The following FRMPD1 variants were observed in gnomAD, a reference collection of about 807,000 sequenced individuals.
The protein encoded by FRMPD1 is FERM and PDZ domain containing 1, also known as FERM and PDZ domain-containing protein 1.
Under a neutral mutation model 117.8 loss-of-function variants are expected in FRMPD1, and 76 were observed. That is an observed-to-expected ratio of 0.65 (90% CI 0.54 to 0.78). FRMPD1 has a LOEUF of 0.78. FRMPD1 is among the 30% of genes least tolerant of loss of function. The pLI is 0.00. For synonymous variants in FRMPD1, 783 were observed against 770.4 expected (o/e 1.02, Z -0.27); for missense variants, 1,786 against 1,964.5 (o/e 0.91, Z 1.72).
chr9:37,721,500 T>C (rs540675271), intron 6 of FRMPD1, among the ~76,000 whole-genome samples: 4 of 152,146 alleles, frequency 2.6e-5, no homozygotes, highest in African/African-American at 9.6e-5. Flanking sequence ...TGAGCACAAA[T>C]AGAGAAAAAA....
intron 1 of FRMPD1, among the ~76,000 whole-genome samples, chr9:37,683,820 T>A: frequency 2.2e-5 from 3 of 137,428 alleles, no homozygotes; most frequent in South Asian, 2.3e-4. Context: ...CGACAGGTAA[T>A]ACAATTCTGC....
chr9:37,676,095 G>A (rs1357539243), intron 1 of FRMPD1, among the ~76,000 whole-genome samples: 1 of 152,194 alleles, frequency 6.6e-6, no homozygotes, highest in Non-Finnish European at 1.5e-5. Context: ...GCCTGTCTGC[G>A]CTCCGCATCA....
chr9:37,603,597 T>C, the FRMPD1 span, among the ~76,000 whole-genome samples: 5,888 of 152,198 alleles, frequency 0.039, 374 homozygotes, highest in African/African-American at 0.13. Context: ...TTATACTTAA[T>C]AGAATGATCA....
At chr9:37,628,751 T>G in the FRMPD1 span, among the ~76,000 whole-genome samples, 1 of 152,176 alleles carries the variant, frequency 6.6e-6, no homozygotes, top group African/African-American at 2.4e-5. Flanking sequence ...GACCAAAATC[T>G]TAGTGTGTGA....
At chr9:37,725,819 C>CGAGCT (rs1166318747) in intron 7 of FRMPD1, among the ~76,000 whole-genome samples, 10 of 152,220 alleles carry the variant, frequency 6.6e-5, no homozygotes, top group African/African-American at 2.4e-4. Context: ...TCAGCTAGCT[C>CGAGCT]ATAACTGGCT....
chr9:37,630,822 C>A, the FRMPD1 span, among the ~76,000 whole-genome samples: 2 of 152,124 alleles, frequency 1.3e-5, no homozygotes, highest in African/African-American at 2.4e-5. Context: ...TGTGGAGCTC[C>A]CATGATTTTG....
the FRMPD1 span, among the ~76,000 whole-genome samples, chr9:37,626,874 C>G: frequency 6.6e-6 from 1 of 152,124 alleles, no homozygotes; most frequent in South Asian, 2.1e-4. Context: ...CATGAAATAT[C>G]TTTTTTAGCA....
At chr9:37,620,883 C>G in the FRMPD1 span, among the ~76,000 whole-genome samples, 1 of 152,028 alleles carries the variant, frequency 6.6e-6, no homozygotes, top group Non-Finnish European at 1.5e-5. Flanking sequence ...AACTAATTCC[C>G]AAGAGTCAGC....
At chr9:37,610,848 C>T in the FRMPD1 span, among the ~76,000 whole-genome samples, 1,060 of 152,190 alleles carry the variant, frequency 7.0e-3, 3 homozygotes, top group Non-Finnish European at 0.011. Flanking sequence ...GTGATCTGCC[C>T]GCCTCAGCTT....
At chr9:37,721,989 G>A (rs986965347) in intron 6 of FRMPD1, among the ~76,000 whole-genome samples, 1 of 152,196 alleles carries the variant, frequency 6.6e-6, no homozygotes, top group Non-Finnish European at 1.5e-5. Flanking sequence ...GTTATGTAAT[G>A]TTGCTATGAA....
At chr9:37,610,056 T>C in the FRMPD1 span, among the ~76,000 whole-genome samples, 10 of 152,346 alleles carry the variant, frequency 6.6e-5, no homozygotes, top group African/African-American at 2.4e-4. Flanking sequence ...TTCCCAACTT[T>C]AGTTTCTTCC....
rs1253770313 is a variant in FRMPD1, at chr9:37,731,030, T to C, written c.785T>C (p.Val262Ala). The C allele has an allele frequency of 6.2e-7, 1 of 1,613,502 alleles. No individual in the cohort carries two copies. The highest frequency in any genetic ancestry group is 8.5e-7 in the Non-Finnish European group (1 of 1,179,636). ...ESHDYRCLFR[V>A]CFVPKDPLDL... ...CATGACTACCGCTGCCTCTTCAGGG[T>C]CTGTTTTGTTCCCAAGGACCCCCTG... The change falls in exon 9 of 16, where the codon GTC (valine) becomes GCC (alanine). Residue 262 changes from valine (V) to alanine (A), a missense_variant. By Grantham distance (64) the Val-to-Ala change is moderately conservative (BLOSUM62 0). Coordinates refer to ENST00000377765, the MANE Select transcript of FRMPD1 (RefSeq NM_014907.3).
intron 2 of FRMPD1, among the ~76,000 whole-genome samples, chr9:37,699,710 G>C (rs888379529): frequency 6.6e-6 from 1 of 152,114 alleles, no homozygotes; most frequent in African/African-American, 2.4e-5. Context: ...ATGTGACATC[G>C]TGCTTTCTTC....
chr9:37,675,671 G>C (rs4878715), intron 1 of FRMPD1, among the ~76,000 whole-genome samples: 95,582 of 152,030 alleles, frequency 0.63, 31,735 homozygotes, highest in African/African-American at 0.85. Context: ...ATGGGCTGGT[G>C]AGTGCCTGCA....
At chr9:37,660,645 A>C (rs1444481313) in intron 1 of FRMPD1, among the ~76,000 whole-genome samples, 1 of 152,226 alleles carries the variant, frequency 6.6e-6, no homozygotes, top group East Asian at 1.9e-4. Flanking sequence ...AGCCACTTCA[A>C]AATATCCCCA....
chr9:37,672,209 A>G (rs1821374903), intron 1 of FRMPD1, among the ~76,000 whole-genome samples: 1 of 152,122 alleles, frequency 6.6e-6, no homozygotes, highest in African/African-American at 2.4e-5. Flanking sequence ...TATGTGAATC[A>G]TATCTCAATA....
At chr9:37,666,529 G>T (rs1821164766) in intron 1 of FRMPD1, among the ~76,000 whole-genome samples, 1 of 151,976 alleles carries the variant, frequency 6.6e-6, no homozygotes, top group South Asian at 2.1e-4. Flanking sequence ...CCCCTGGTGT[G>T]CCCCCGTTGC....
intron 9 of FRMPD1, 145 bp from the exon 10 acceptor site, chr9:37,732,159 A>G (rs575234371): frequency 4.0e-6 from 3 of 741,696 alleles, no homozygotes; most frequent in Admixed American, 5.2e-5. Context: ...GAGTCTTGGT[A>G]ACTTAACCAA....
chr9:37,717,537 G>A (rs1823202965), intron 5 of FRMPD1, among the ~76,000 whole-genome samples: 2 of 151,478 alleles, frequency 1.3e-5, no homozygotes, highest in South Asian at 2.1e-4. Context: ...GCACCACCAC[G>A]CTCGGCTAAT....
Sources: gnomAD v4.1 joint callset for allele counts (sites outside exome capture counted in the v4.1 genomes callset) on GRCh38, gnomAD v4.1.1 for gene constraint, MANE v1.5 for transcripts, NCBI Gene and HGNC (gene_info 2026-07-23, HGNC 2026-07-21) for gene names.